Variants in ST6GALNAC3 observed in about 807,000 individuals in gnomAD.
The protein encoded by ST6GALNAC3 is ST6 N-acetylgalactosaminide alpha-2,6-sialyltransferase 3, also known as alpha-N-acetylgalactosaminide alpha-2,6-sialyltransferase 3.
Under a neutral mutation model 32.7 loss-of-function variants are expected in ST6GALNAC3, and 25 were observed. That is an observed-to-expected ratio of 0.76 (90% CI 0.56 to 1.07). ST6GALNAC3 has a LOEUF of 1.07. Ranked by LOEUF, ST6GALNAC3 falls within the 50% of genes least tolerant of loss-of-function variation. ST6GALNAC3 has a pLI of 0.00. For missense variants in ST6GALNAC3, 355 were observed against 382.4 expected, an observed-to-expected ratio of 0.93 and a Z score of 0.60; for synonymous variants, 129 against 133.1, an observed-to-expected ratio of 0.97 and a Z score of 0.21.
intron 3 of ST6GALNAC3, among the ~76,000 whole-genome samples, chr1:76,495,277 T>C (rs1182340110): frequency 1.3e-5 from 2 of 152,160 alleles, no homozygotes; most frequent in African/African-American, 4.8e-5. Context: ...TACTGTTAAT[T>C]TTATTATTAT....
At chr1:76,398,024 G>T (rs967673291) in intron 2 of ST6GALNAC3, among the ~76,000 whole-genome samples, 43 of 152,098 alleles carry the variant, frequency 2.8e-4, no homozygotes, top group African/African-American at 1.0e-3. Context: ...ATGGAGTAGA[G>T]CTTCCAGAAC....
chr1:76,238,136 G>T (rs1656761872), intron 1 of ST6GALNAC3, among the ~76,000 whole-genome samples: 1 of 152,170 alleles, frequency 6.6e-6, no homozygotes, highest in Non-Finnish European at 1.5e-5. Flanking sequence ...CCTTTCCCTT[G>T]CAATTTCTTC....
intron 2 of ST6GALNAC3, among the ~76,000 whole-genome samples, chr1:76,343,405 G>C (rs1164211195): frequency 6.6e-6 from 1 of 152,142 alleles, no homozygotes; most frequent in East Asian, 1.9e-4. Context: ...AGAAAGGAAG[G>C]CTTGGCAAGA....
At chr1:76,156,661 C>A in intron 1 of ST6GALNAC3, among the ~76,000 whole-genome samples, 1 of 152,116 alleles carries the variant, frequency 6.6e-6, no homozygotes, top group Non-Finnish European at 1.5e-5. Context: ...TTGTGGCACT[C>A]ACTACAAGAT....
chr1:76,536,191 A>T (rs996445247), intron 3 of ST6GALNAC3, among the ~76,000 whole-genome samples: 4 of 152,182 alleles, frequency 2.6e-5, no homozygotes, highest in African/African-American at 4.8e-5. Flanking sequence ...CTAGTTACCA[A>T]TAACGACCTA....
At position 76,106,037 on chromosome 1, in the gene ST6GALNAC3, C is replaced by T. The variant is rs535116950; in HGVS notation, c.18+31153C>T. 5.9e-5 allele frequency among the ~76,000 whole-genome samples: 9 copies of T among 152,316 alleles called. No individual in the cohort carries two copies. In the East Asian group the frequency reaches 1.7e-3, roughly 29 times the overall value. On this transcript the variant is annotated intron_variant, in intron 1 of 4. Coordinates refer to ENST00000328299, the MANE Select transcript of ST6GALNAC3 (RefSeq NM_152996.4). ...TTTATCATCACTGTGACATTAGGCA[C>T]TTTTCTTAAACTCTCTGGGTCTATT...
intron 3 of ST6GALNAC3, among the ~76,000 whole-genome samples, chr1:76,480,045 G>A (rs923173545): frequency 1.8e-4 from 28 of 152,200 alleles, no homozygotes; most frequent in African/African-American, 5.8e-4. Context: ...CAGCTCCCAC[G>A]TCTGTAATTA....
At chr1:76,415,853 A>G (rs753547118) in intron 3 of ST6GALNAC3, among the ~76,000 whole-genome samples, 5 of 152,042 alleles carry the variant, frequency 3.3e-5, no homozygotes, top group African/African-American at 4.8e-5. Flanking sequence ...AACAATATAT[A>G]CTGTGTATAT....
At chr1:76,376,038 T>G (rs902399437) in intron 2 of ST6GALNAC3, among the ~76,000 whole-genome samples, 1 of 152,070 alleles carries the variant, frequency 6.6e-6, no homozygotes. Context: ...AATGGAGAAA[T>G]TGGAAGACTA....
At chr1:76,374,666 G>A (rs1005456694) in intron 2 of ST6GALNAC3, among the ~76,000 whole-genome samples, 12 of 152,104 alleles carry the variant, frequency 7.9e-5, no homozygotes, top group African/African-American at 2.9e-4. Context: ...CTGGAGACAT[G>A]CATTTATAAA....
At chr1:76,573,625 G>A (rs549164788) in intron 3 of ST6GALNAC3, among the ~76,000 whole-genome samples, 204 of 150,670 alleles carry the variant, frequency 1.4e-3, no homozygotes, top group African/African-American at 4.8e-3. Context: ...CAATTTGAAT[G>A]AACATGTAGC....
intron 1 of ST6GALNAC3, among the ~76,000 whole-genome samples, chr1:76,308,260 C>A (rs1156924059): frequency 6.6e-6 from 1 of 152,140 alleles, no homozygotes; most frequent in African/African-American, 2.4e-5. Context: ...AGGCTGTAAC[C>A]ATCAGTAGTT....
chr1:76,323,785 G>A (rs1048396938), intron 2 of ST6GALNAC3, among the ~76,000 whole-genome samples: 1 of 152,050 alleles, frequency 6.6e-6, no homozygotes, highest in Non-Finnish European at 1.5e-5. Flanking sequence ...TCTATATCTG[G>A]GTTGTAAATT....
chr1:76,506,038 T>C (rs1394886460), intron 3 of ST6GALNAC3, among the ~76,000 whole-genome samples: 1 of 120,312 alleles, frequency 8.3e-6, no homozygotes, highest in Non-Finnish European at 1.6e-5. Flanking sequence ...AACATGGGCT[T>C]TATTTGACAC....
At chr1:76,309,526 G>A (rs191686770) in intron 1 of ST6GALNAC3, among the ~76,000 whole-genome samples, 7 of 152,110 alleles carry the variant, frequency 4.6e-5, no homozygotes, top group African/African-American at 7.2e-5. Context: ...TTGAGGTCAC[G>A]ATCTGGTGGA....
chr1:76,364,508 G>C (rs1235246616), intron 2 of ST6GALNAC3, among the ~76,000 whole-genome samples: 1 of 152,016 alleles, frequency 6.6e-6, no homozygotes, highest in Non-Finnish European at 1.5e-5. Flanking sequence ...AGCCGAGATG[G>C]TGGCACTGCA....
At chr1:76,601,899 G>A (rs2100632688) in intron 3 of ST6GALNAC3, among the ~76,000 whole-genome samples, 1 of 152,304 alleles carries the variant, frequency 6.6e-6, no homozygotes, top group Admixed American at 6.5e-5. Flanking sequence ...GCTAGAAGTA[G>A]ACAGAGCAAA....
intron 3 of ST6GALNAC3, among the ~76,000 whole-genome samples, chr1:76,505,863 G>A (rs574915131): frequency 3.0e-4 from 46 of 152,112 alleles, no homozygotes; most frequent in Non-Finnish European, 5.7e-4. Context: ...GAAAGTGGGT[G>A]CAGCTTAAAT....
At chr1:76,399,740 A>G (rs1054827691) in intron 2 of ST6GALNAC3, among the ~76,000 whole-genome samples, 3 of 152,142 alleles carry the variant, frequency 2.0e-5, no homozygotes, top group African/African-American at 7.2e-5. Context: ...AAATATGTAG[A>G]TCCTTTTTAA....
Sources: allele counts gnomAD v4.1 joint callset (sites outside exome capture counted in the v4.1 genomes callset), GRCh38; gene constraint gnomAD v4.1.1; transcripts MANE v1.5; gene names NCBI Gene and HGNC (gene_info 2026-07-23, HGNC 2026-07-21).